The following MRC1 variants were observed in gnomAD, a reference collection of about 807,000 sequenced individuals.
The protein encoded by MRC1 is mannose receptor C-type 1, also known as macrophage mannose receptor 1.
In MRC1, 62 loss-of-function variants were observed where a neutral mutation model predicts 102.9. The observed-to-expected ratio is 0.60, with a 90% CI of 0.49 to 0.74. The LOEUF (loss-of-function observed/expected upper bound fraction) is 0.74. MRC1 is among the 30% of genes least tolerant of loss of function. The pLI is 0.00. For missense variants in MRC1, 1,237 were observed against 862.8 expected (o/e 1.43, Z -5.43); for synonymous variants, 457 against 298.4 (o/e 1.53, Z -5.48).
intron 20 of MRC1, 140 bp downstream of exon 20, chr10:17,880,810 C>G: frequency 1.3e-6 from 1 of 751,854 alleles, no homozygotes; most frequent in Non-Finnish European, 2.5e-6. Context: ...GCGTGACAAA[C>G]TCTTTATGGA....
At chr10:17,887,172 G>A (rs1271507786) in intron 22 of MRC1, among the ~76,000 whole-genome samples, 2 of 151,986 alleles carry the variant, frequency 1.3e-5, no homozygotes, top group African/African-American at 2.4e-5. Flanking sequence ...AACATAACTG[G>A]TGGTCAGGAG....
chr10:17,828,453 G>A (rs1838518285), intron 3 of MRC1, among the ~76,000 whole-genome samples: 2 of 151,414 alleles, frequency 1.3e-5, no homozygotes. Flanking sequence ...ACTTAACACG[G>A]GAGGTAGGTA....
chr10:17,898,030 C>A lies in MRC1; in HGVS notation c.3251-4C>A. 1.3e-6 allele frequency: 1 copy of A among 780,774 alleles called. No homozygotes were observed. Among genetic ancestry groups the A allele is most frequent in the Non-Finnish European group, 2.4e-6 (1 of 417,924 alleles). 48.4% of individuals were successfully genotyped at this position (780,774 alleles called of 1,614,324 possible). A position where few individuals can be genotyped will look rare whatever the true frequency, so the allele number is the denominator to read the frequency against. ...ATGCTAATGAAAATAATGTTTTTAT[C>A]TAGACCCTTCCTTGACTAATCCTCC... On this transcript the variant is annotated splice_region_variant and splice_polypyrimidine_tract_variant and intron_variant, in intron 23 of 29. Transcript: ENST00000569591.
chr10:17,909,995 T>C (rs1833947533), intron 29 of MRC1, among the ~76,000 whole-genome samples: 1 of 152,226 alleles, frequency 6.6e-6, no homozygotes, highest in African/African-American at 2.4e-5. Context: ...CACTGCTACA[T>C]AGACAGATGG....
chr10:17,824,919 C>T (rs1343620048), intron 2 of MRC1, among the ~76,000 whole-genome samples: 5 of 152,048 alleles, frequency 3.3e-5, no homozygotes, highest in African/African-American at 9.7e-5. Context: ...GCTTAAGAAT[C>T]ACTTGGAAAG....
intron 5 of MRC1, among the ~76,000 whole-genome samples, chr10:17,841,906 G>T (rs1416434105): frequency 3.3e-5 from 5 of 152,064 alleles, no homozygotes; most frequent in Non-Finnish European, 7.4e-5. Flanking sequence ...CTCTTTTAAA[G>T]CCATTGAGTG....
At chr10:17,845,709 A>G (rs1163999508) in intron 6 of MRC1, among the ~76,000 whole-genome samples, 1 of 152,106 alleles carries the variant, frequency 6.6e-6, no homozygotes, top group Non-Finnish European at 1.5e-5. Flanking sequence ...TTCACATGCT[A>G]TAGTTGAGGA....
intron 27 of MRC1, among the ~76,000 whole-genome samples, chr10:17,907,246 CTA>C (rs1407009179): frequency 2.0e-5 from 3 of 152,108 alleles, no homozygotes; most frequent in Non-Finnish European, 2.9e-5. Flanking sequence ...AAAGCATTTT[CTA>C]TGTTTTCGTG....
rs983514512 is a variant in MRC1 at position 17,898,237 on chromosome 10, C to A, written c.3454C>A (p.Arg1152Ser). The A allele has an allele frequency of 4.0e-5, 31 of 780,750 alleles. No homozygotes were observed. The African/African-American group carries it at 4.9e-4, about 12-fold the overall frequency. The allele number at this position is 780,750 out of a possible 1,614,324, so 48.4% of individuals were successfully genotyped here. A position where few individuals can be genotyped will look rare whatever the true frequency, so the allele number is the denominator to read the frequency against. ...AWLQMETSNE[R>S]VWIALNSNLT... ...GCTGCAGATGGAAACATCTAATGAA[C>A]GTGTGTGGATCGCCCTGAACAGTAA... is the stretch of plus-strand genomic sequence containing the variant. Residue 1152 changes from arginine (R) to serine (S), a missense_variant, in exon 24 of 30, where the codon CGT becomes AGT. Transcript: ENST00000569591.
chr10:17,824,286 T>C (rs894365097), intron 2 of MRC1, among the ~76,000 whole-genome samples: 2 of 152,236 alleles, frequency 1.3e-5, no homozygotes, highest in Non-Finnish European at 2.9e-5. Context: ...GATGATGTTA[T>C]AATCACATTT....
chr10:17,812,177 G>A lies in MRC1; in HGVS notation c.61+2651G>A, dbSNP rs1310245477. On this transcript the variant is annotated intron_variant, in intron 1 of 29. Transcript: ENST00000569591. ...AACGGATGGGCTGGTTCTCCCTGGA[G>A]GGGTCCAGGAGTCTAGAGGTTAACA... 2.0e-5 allele frequency among the ~76,000 whole-genome samples: 3 copies of A among 152,166 alleles called. No homozygotes were observed. The East Asian group carries it at 5.8e-4, about 29-fold the overall frequency.
intron 27 of MRC1, 123 bp downstream of exon 27, chr10:17,907,122 A>G: frequency 1.4e-6 from 1 of 698,178 alleles, no homozygotes; most frequent in South Asian, 1.7e-5. Flanking sequence ...TGAAAATTCA[A>G]ACTCATATTT....
chr10:17,862,654 T>A (rs1420256416), intron 10 of MRC1, among the ~76,000 whole-genome samples: 1 of 152,226 alleles, frequency 6.6e-6, no homozygotes, highest in African/African-American at 2.4e-5. Context: ...TTGGAACTTT[T>A]AATTTTTTTG....
intron 4 of MRC1, among the ~76,000 whole-genome samples, chr10:17,839,935 G>A (rs1053353619): frequency 3.3e-5 from 5 of 151,548 alleles, no homozygotes; most frequent in Admixed American, 6.6e-5. Context: ...GCGTGGTGGC[G>A]GTCACCTGTA....
intron 24 of MRC1, 137 bp from the exon 25 acceptor site, chr10:17,900,651 G>T (rs1243515599): frequency 1.6e-5 from 12 of 727,970 alleles, no homozygotes; most frequent in African/African-American, 3.5e-5. Context: ...GATTTATAGT[G>T]TTCTTTTTAT....
At chr10:17,889,806 CATAGTTGTTTAACAACAACT>C (rs1405316565) in intron 22 of MRC1, among the ~76,000 whole-genome samples, 1 of 152,138 alleles carries the variant, frequency 6.6e-6, no homozygotes, top group African/African-American at 2.4e-5. Context: ...GTATATTATT[CATAGTTGTTTAACAACAACT>C]ATAGTTGTTT....
intron 28 of MRC1, among the ~76,000 whole-genome samples, chr10:17,908,344 G>A (rs990470014): frequency 2.6e-5 from 4 of 152,174 alleles, no homozygotes; most frequent in South Asian, 2.1e-4. Context: ...GTGCGATCTC[G>A]GCTCACTGCA....
intron 12 of MRC1, among the ~76,000 whole-genome samples, chr10:17,869,557 G>A (rs1208856674): frequency 2.0e-5 from 3 of 152,270 alleles, no homozygotes; most frequent in Non-Finnish European, 2.9e-5. Context: ...GTCCCAGACC[G>A]TCACTGTTGA....
chr10:17,843,228 T>C (rs1589173652), intron 5 of MRC1, among the ~76,000 whole-genome samples: 1 of 151,064 alleles, frequency 6.6e-6, no homozygotes, highest in Admixed American at 6.6e-5. Flanking sequence ...GCTAGAAATG[T>C]ATTTGTTTGA....
Sources: allele counts gnomAD v4.1 joint callset (sites outside exome capture counted in the v4.1 genomes callset), GRCh38; gene constraint gnomAD v4.1.1; transcripts MANE v1.5; gene names NCBI Gene and HGNC (gene_info 2026-07-23, HGNC 2026-07-21).